ENOX1: variants seen among roughly 807,000 people sequenced by gnomAD.
ENOX1 encodes the protein candidate growth-related and time keeping constitutive hydroquinone (NADH) oxidase.
A neutral mutation model predicts 82.5 loss-of-function variants in ENOX1; 42 were observed. That is an observed-to-expected ratio of 0.51 (90% CI 0.40 to 0.66). The LOEUF is 0.66. ENOX1 is among the 30% of genes least tolerant of loss of function. The probability of loss-of-function intolerance (pLI) is 0.00; values close to 1 mark genes in which losing one functional copy is unlikely to be tolerated. For synonymous variants in ENOX1, 271 were observed against 282.2 expected (o/e 0.96, Z 0.40); for missense variants, 608 against 811.6 (o/e 0.75, Z 3.05).
At chr13:43,303,006 C>T (rs2046667281) in intron 11 of ENOX1, among the ~76,000 whole-genome samples, 1 of 152,208 alleles carries the variant, frequency 6.6e-6, no homozygotes, top group Non-Finnish European at 1.5e-5. Context: ...TTCTCCAGAA[C>T]TCTTAGTCTT....
chr13:43,565,208 AG>A (rs1235477172), intron 2 of ENOX1, among the ~76,000 whole-genome samples: 1 of 152,218 alleles, frequency 6.6e-6, no homozygotes, highest in Non-Finnish European at 1.5e-5. Flanking sequence ...GATAAGTACC[AG>A]GAAGTCCCTG....
intron 1 of ENOX1, among the ~76,000 whole-genome samples, chr13:43,782,471 G>T (rs138876644): frequency 1.3e-5 from 2 of 152,226 alleles, no homozygotes; most frequent in Non-Finnish European, 2.9e-5. Context: ...CTTCTAGCTA[G>T]AATAAGTTAA....
intron 1 of ENOX1, among the ~76,000 whole-genome samples, chr13:43,714,437 C>A (rs559057857): frequency 6.6e-6 from 1 of 152,068 alleles, no homozygotes; most frequent in Non-Finnish European, 1.5e-5. Context: ...GGTCCGCTTG[C>A]TGCAGAGCTG....
At chr13:43,609,849 T>C (rs1352110510) in intron 2 of ENOX1, 2 of 867,966 alleles carry the variant, frequency 2.3e-6, no homozygotes, top group Admixed American at 6.2e-5. Context: ...ATTACAAAAG[T>C]AAGAAAAACA....
intron 2 of ENOX1, among the ~76,000 whole-genome samples, chr13:43,506,588 A>G (rs1288146854): frequency 7.4e-6 from 1 of 135,620 alleles, no homozygotes; most frequent in African/African-American, 2.6e-5. Flanking sequence ...AACCAACCCA[A>G]ATGTCCAACA....
intron 5 of ENOX1, among the ~76,000 whole-genome samples, chr13:43,375,009 G>A (rs1200447276): frequency 1.3e-5 from 2 of 152,142 alleles, no homozygotes; most frequent in African/African-American, 4.8e-5. Flanking sequence ...TTTACTTCAC[G>A]TTGTTATTAT....
chr13:43,735,529 G>A (rs1181412183), intron 1 of ENOX1, among the ~76,000 whole-genome samples: 5 of 152,042 alleles, frequency 3.3e-5, no homozygotes, highest in Non-Finnish European at 5.9e-5. Context: ...AGACCAGCCT[G>A]GGTAACACAG....
chr13:43,469,972 A>T (rs2057915556), intron 3 of ENOX1, among the ~76,000 whole-genome samples: 1 of 151,772 alleles, frequency 6.6e-6, no homozygotes, highest in Non-Finnish European at 1.5e-5. Context: ...ATAGATGCAT[A>T]TTTATGTGGT....
At chr13:43,657,737 A>G (rs2084511893) in intron 2 of ENOX1, among the ~76,000 whole-genome samples, 2 of 152,246 alleles carry the variant, frequency 1.3e-5, no homozygotes, top group South Asian at 4.1e-4. Context: ...TATACATACC[A>G]GACATTTCTT....
chr13:43,385,750 A>C (rs188550470), intron 5 of ENOX1, among the ~76,000 whole-genome samples: 2 of 152,356 alleles, frequency 1.3e-5, no homozygotes, highest in South Asian at 4.1e-4. Context: ...TTTGTAGAAA[A>C]AGAAATTGGA....
At chr13:43,525,152 C>T (rs946264488) in intron 2 of ENOX1, among the ~76,000 whole-genome samples, 2 of 151,942 alleles carry the variant, frequency 1.3e-5, no homozygotes, top group African/African-American at 4.8e-5. Flanking sequence ...TTAAATGTAC[C>T]GTGCAGTAGC....
intron 5 of ENOX1, among the ~76,000 whole-genome samples, chr13:43,408,884 AT>A (rs2053954096): frequency 6.6e-6 from 1 of 152,160 alleles, no homozygotes; most frequent in Non-Finnish European, 1.5e-5. Flanking sequence ...ACCTTTCTGC[AT>A]TTAGAAATGG....
intron 3 of ENOX1, among the ~76,000 whole-genome samples, chr13:43,445,187 G>C (rs1416707216): frequency 6.7e-6 from 1 of 148,292 alleles, no homozygotes; most frequent in Non-Finnish European, 1.5e-5. Context: ...ACAGTGGCAC[G>C]ATCTCGGCTC....
At chr13:43,617,278 C>T (rs553301835) in intron 2 of ENOX1, among the ~76,000 whole-genome samples, 1 of 152,300 alleles carries the variant, frequency 6.6e-6, no homozygotes, top group Admixed American at 6.5e-5. Flanking sequence ...TATGGATATC[C>T]TTATGCACGC....
chr13:43,344,849 G>A (rs185949994), intron 8 of ENOX1, 99 bp from the exon 9 acceptor site: 5 of 1,190,222 alleles, frequency 4.2e-6, no homozygotes. Flanking sequence ...CAACCTAGTG[G>A]ATATATTTTC....
chr13:43,516,819 A>C (rs1253488342), intron 2 of ENOX1, among the ~76,000 whole-genome samples: 1 of 152,168 alleles, frequency 6.6e-6, no homozygotes, highest in Non-Finnish European at 1.5e-5. Flanking sequence ...CCTCAAACAA[A>C]GCAGCCCCAA....
At chr13:43,663,096 G>A (rs1294210223) in intron 2 of ENOX1, among the ~76,000 whole-genome samples, 2 of 152,298 alleles carry the variant, frequency 1.3e-5, no homozygotes, top group Middle Eastern at 3.4e-3. Context: ...AAATTAAAGA[G>A]AGCTTGACTT....
intron 2 of ENOX1, among the ~76,000 whole-genome samples, chr13:43,646,485 T>C (rs928253385): frequency 6.6e-6 from 1 of 152,232 alleles, no homozygotes; most frequent in African/African-American, 2.4e-5. Flanking sequence ...TTCTTGGGAC[T>C]GCCTGACGAC....
chr13:43,688,308 C>T (rs556170423), intron 1 of ENOX1, among the ~76,000 whole-genome samples: 1 of 152,078 alleles, frequency 6.6e-6, no homozygotes, highest in African/African-American at 2.4e-5. Context: ...GTAGAAACCA[C>T]TTAGGATGCT....
Sources: allele counts gnomAD v4.1 joint callset (sites outside exome capture counted in the v4.1 genomes callset), GRCh38; gene constraint gnomAD v4.1.1; transcripts MANE v1.5; gene names NCBI Gene and HGNC (gene_info 2026-07-23, HGNC 2026-07-21).